Variants in ALPK1 observed in about 807,000 individuals in gnomAD.
ALPK1 encodes alpha-protein kinase 1.
In ALPK1, 110 loss-of-function variants were observed where a neutral mutation model predicts 120.6. The observed-to-expected ratio is 0.91, with a 90% CI of 0.78 to 1.07. ALPK1 has a LOEUF of 1.07. ALPK1 is among the 50% of genes least tolerant of loss of function. The pLI, the probability that ALPK1 is intolerant of heterozygous loss-of-function variation, is 0.00. For missense variants in ALPK1, 1,498 were observed against 1,483.9 expected, an observed-to-expected ratio of 1.01 and a Z score of -0.16; for synonymous variants, 582 against 560.3, an observed-to-expected ratio of 1.04 and a Z score of -0.55.
intron 2 of ALPK1, among the ~76,000 whole-genome samples, chr4:112,362,088 C>A (rs1730940927): frequency 6.6e-6 from 1 of 152,208 alleles, no homozygotes; most frequent in Non-Finnish European, 1.5e-5. Flanking sequence ...ACCTGAACAG[C>A]AGATCTGAGT....
intron 2 of ALPK1, among the ~76,000 whole-genome samples, chr4:112,376,549 A>G (rs979609619): frequency 1.3e-5 from 2 of 152,222 alleles, no homozygotes; most frequent in African/African-American, 4.8e-5. Context: ...TGAGAGAGGG[A>G]AAAAGGCTTT....
At chr4:112,423,586 G>T in intron 5 of ALPK1, 1 of 380,544 alleles carries the variant, frequency 2.6e-6, no homozygotes, top group South Asian at 2.1e-5. Flanking sequence ...TCCTGTCCAC[G>T]GGCAACTCTA....
At position 112,428,628 on chromosome 4, in the gene ALPK1, A is replaced by G. The variant is rs536640860; in HGVS notation, c.796-521A>G. ...TCTCCATTTATTGTCTCTCCAGAAC[A>G]CTTGTCATAATCTCAAATACTATGC... On this transcript the variant is annotated intron_variant, in intron 9 of 15. Coordinates refer to ENST00000650871, the MANE Select transcript of ALPK1 (RefSeq NM_025144.4). Among the ~76,000 whole-genome samples the G allele has an allele frequency of 2.2e-4, 34 of 152,256 alleles. No homozygotes were observed. In the South Asian group the frequency reaches 3.9e-3, roughly 18 times the overall value.
At chr4:112,307,935 A>C (rs944004991) in intron 1 of ALPK1, among the ~76,000 whole-genome samples, 41 of 152,052 alleles carry the variant, frequency 2.7e-4, no homozygotes, top group East Asian at 5.8e-4. Flanking sequence ...TCTTTTAGGG[A>C]AGGCCTGGTG....
In ALPK1 at chr4:112,423,679, TATGTGAATGAATTATCAC is replaced by T. The variant is rs1330352907; in HGVS notation, c.476-262_476-245del. 7 of 582,038 alleles carry T rather than the reference TATGTGAATGAATTATCAC, an allele frequency of 1.2e-5. No individual in the cohort carries two copies. In the African/African-American group the frequency reaches 1.3e-4, roughly 11 times the overall value. The allele number at this position is 582,038 out of a possible 1,614,324, so 36.1% of individuals were successfully genotyped here. A position where few individuals can be genotyped will look rare whatever the true frequency, so the allele number is the denominator to read the frequency against. On this transcript the variant is annotated intron_variant, in intron 5 of 15. Transcript: ENST00000650871. ...TGCCTCTACTCCTCAAACCCTGCTC[TATGTGAATGAATTATCAC>T]ATACATATGAATCTAATTTTCATTT...
At chr4:112,409,540 T>A (rs548571923) in intron 4 of ALPK1, among the ~76,000 whole-genome samples, 12 of 151,924 alleles carry the variant, frequency 7.9e-5, no homozygotes, top group African/African-American at 2.4e-4. Context: ...TATATAGACG[T>A]CCCCATTTAG....
In ALPK1 at chr4:112,431,236, C is replaced by G; in HGVS notation, c.1689C>G (p.Ser563Arg). 6.2e-7 allele frequency: 1 copy of G among 1,614,150 alleles called. No homozygotes were observed. Among genetic ancestry groups the G allele is most frequent in the Non-Finnish European group, 8.5e-7 (1 of 1,180,032 alleles). The part of the protein sequence containing the change: ...VETETEPSDY[S>R]NGEGAVFNKS... Reference sequence around the variant, plus strand: ...CTGAGACTGAGCCATCGGACTACAGCAATGGTGAGGGAGCTGTTTTCAACA... The same window carrying G: ...CTGAGACTGAGCCATCGGACTACAGGAATGGTGAGGGAGCTGTTTTCAACA... Residue 563 changes from serine (S) to arginine (R), a missense_variant, in exon 11 of 16, where the codon AGC (serine) becomes AGG (arginine). Coordinates refer to ENST00000650871, the MANE Select transcript of ALPK1 (RefSeq NM_025144.4).
chr4:112,368,989 C>A (rs189494323), intron 2 of ALPK1, among the ~76,000 whole-genome samples: 1 of 149,534 alleles, frequency 6.7e-6, no homozygotes, highest in Admixed American at 6.7e-5. Context: ...CAACGGCTAG[C>A]TTCTATATTG....
At chr4:112,382,271 C>A in intron 3 of ALPK1, 127 bp from the exon 4 acceptor site, 1 of 1,121,674 alleles carries the variant, frequency 8.9e-7, no homozygotes, top group Non-Finnish European at 1.2e-6. Flanking sequence ...CAGCAAGAGG[C>A]AGGGAAAAGG....
intron 2 of ALPK1, among the ~76,000 whole-genome samples, chr4:112,335,195 G>A (rs1411677521): frequency 6.6e-6 from 1 of 151,760 alleles, no homozygotes; most frequent in Admixed American, 6.6e-5. Context: ...GGCGGAGGTT[G>A]CGGTGAGTCA....
chr4:112,314,735 G>A (rs75312083), intron 1 of ALPK1, among the ~76,000 whole-genome samples: 3,270 of 152,230 alleles, frequency 0.021, 148 homozygotes, highest in East Asian at 0.19. Flanking sequence ...GTGTGTGAAA[G>A]CAAGGTTCAT....
chr4:112,352,900 CTCTTTCTTTCTT>C (rs1452298950), intron 2 of ALPK1: 1 of 149,770 alleles, frequency 6.7e-6, no homozygotes, highest in Non-Finnish European at 1.5e-5. Context: ...TCCTTTCTTT[CTCTTTCTTTCTT>C]CCTTTCTTTC....
chr4:112,341,548 C>A (rs773745062), intron 2 of ALPK1, among the ~76,000 whole-genome samples: 5 of 152,120 alleles, frequency 3.3e-5, no homozygotes, highest in African/African-American at 4.8e-5. Context: ...TGTGCTGTAC[C>A]AAATTCATTA....
chr4:112,338,922 T>A (rs763432438), intron 2 of ALPK1, among the ~76,000 whole-genome samples: 21 of 152,228 alleles, frequency 1.4e-4, no homozygotes, highest in Non-Finnish European at 3.1e-4. Flanking sequence ...TGCTACGTAG[T>A]GGGCAAACCC....
At chr4:112,328,034 G>T (rs1400723601) in intron 2 of ALPK1, among the ~76,000 whole-genome samples, 1 of 152,208 alleles carries the variant, frequency 6.6e-6, no homozygotes, top group African/African-American at 2.4e-5. Context: ...AAAGCAATTT[G>T]TAAATGATAT....
Position 112,392,075 on chromosome 4 carries a change from T to C in ALPK1, c.276+9523T>C, listed in dbSNP as rs530611952. Among the ~76,000 whole-genome samples, 6 of 152,286 alleles carry C rather than the reference T, an allele frequency of 3.9e-5. No homozygotes were observed. The South Asian group carries it at 1.2e-3, about 32-fold the overall frequency. On this transcript the variant is annotated intron_variant, in intron 4 of 15. Coordinates refer to ENST00000650871, the MANE Select transcript of ALPK1 (RefSeq NM_025144.4). ...TACTAAGTTATTTTATTCTTAAACA[T>C]AACTAGAGAAAATAGATTGGGAAAA...
At chr4:112,330,790 C>T (rs759580406) in intron 2 of ALPK1, among the ~76,000 whole-genome samples, 19 of 152,150 alleles carry the variant, frequency 1.2e-4, no homozygotes, top group Admixed American at 6.5e-5. Flanking sequence ...TATGACCGAT[C>T]GATGAATCCT....
intron 2 of ALPK1, 139 bp from the exon 3 acceptor site, chr4:112,377,539 T>G (rs953080807): frequency 3.5e-6 from 1 of 286,122 alleles, no homozygotes; most frequent in African/African-American, 2.2e-5. Flanking sequence ...CTGCAGTAAT[T>G]TCACACACTC....
Position 112,429,184 on chromosome 4 carries a change from C to T in ALPK1, c.831C>T (p.Ser277=), listed in dbSNP as rs139829354. The change falls in exon 10 of 16, where the codon TCC becomes TCT. Residue 277 remains serine, a synonymous_variant. Transcript: ENST00000650871. ...AGGAGTTTGACCACCATTTGCTGTC[C>T]GCTGCAGAAGCCTGCAAGCTGGCAG... The part of the protein sequence containing the change: ...LLKEFDHHLL[S]AAEACKLAAA... 4.9e-5 allele frequency: 79 copies of T among 1,613,228 alleles called. No individual in the cohort carries two copies. Among genetic ancestry groups the T allele is most frequent in the Non-Finnish European group, 5.2e-5 (61 of 1,179,994 alleles).
Sources: gnomAD v4.1 joint callset for allele counts (sites outside exome capture counted in the v4.1 genomes callset) on GRCh38, gnomAD v4.1.1 for gene constraint, MANE v1.5 for transcripts, NCBI Gene and HGNC (gene_info 2026-07-23, HGNC 2026-07-21) for gene names.